Variants in TSPAN9 observed in about 807,000 individuals in gnomAD.
TSPAN9 encodes the protein tetraspanin-9.
TSPAN9 carries 16 observed loss-of-function variants against 31.0 expected under a neutral mutation model. That is an observed-to-expected ratio of 0.52 (90% CI 0.35 to 0.78). The LOEUF is 0.78. Ranked by LOEUF, TSPAN9 falls within the 30% of genes least tolerant of loss-of-function variation. The pLI is 0.01. For missense variants in TSPAN9, 272 were observed against 312.5 expected, an observed-to-expected ratio of 0.87 and a Z score of 0.98; for synonymous variants, 145 against 121.6, an observed-to-expected ratio of 1.19 and a Z score of -1.27.
chr12:3,230,422 C>T (rs2098390066), intron 3 of TSPAN9, among the ~76,000 whole-genome samples: 1 of 152,134 alleles, frequency 6.6e-6, no homozygotes, highest in Non-Finnish European at 1.5e-5. Context: ...TCACCGTCTC[C>T]TTTTTCCCTG....
chr12:3,217,203 C>T (rs145198035), intron 3 of TSPAN9, among the ~76,000 whole-genome samples: 3 of 152,358 alleles, frequency 2.0e-5, no homozygotes, highest in South Asian at 2.1e-4. Context: ...CTGAGCCTTC[C>T]ACCTGCCCCT....
chr12:3,270,275 G>T (rs993875809), intron 3 of TSPAN9, among the ~76,000 whole-genome samples: 3 of 152,190 alleles, frequency 2.0e-5, no homozygotes, highest in Admixed American at 1.3e-4. Context: ...ATAGATGGAG[G>T]TGCGGGAGGT....
intron 2 of TSPAN9, among the ~76,000 whole-genome samples, chr12:3,124,517 C>T (rs1184127568): frequency 2.0e-5 from 3 of 151,648 alleles, no homozygotes; most frequent in African/African-American, 7.3e-5. Context: ...AAGCAATTCT[C>T]CTGCCTCAGC....
At chr12:3,246,444 T>C (rs1177459844) in intron 3 of TSPAN9, among the ~76,000 whole-genome samples, 3 of 152,184 alleles carry the variant, frequency 2.0e-5, no homozygotes, top group African/African-American at 7.2e-5. Flanking sequence ...AGGAGAACTT[T>C]GGCTGCCTTG....
intron 3 of TSPAN9, among the ~76,000 whole-genome samples, chr12:3,261,178 G>A (rs1357369211): frequency 6.6e-6 from 1 of 152,198 alleles, no homozygotes; most frequent in Non-Finnish European, 1.5e-5. Context: ...GGATTAGCAG[G>A]TGGATGAAAT....
intron 3 of TSPAN9, among the ~76,000 whole-genome samples, chr12:3,213,831 C>G (rs2098380022): frequency 6.6e-6 from 1 of 152,190 alleles, no homozygotes; most frequent in Non-Finnish European, 1.5e-5. Flanking sequence ...CTTCTCACAA[C>G]TTGGGGCAGG....
intron 3 of TSPAN9, among the ~76,000 whole-genome samples, chr12:3,257,577 G>A (rs1307283429): frequency 1.3e-5 from 2 of 151,870 alleles, no homozygotes; most frequent in Admixed American, 1.3e-4. Flanking sequence ...GACACTGTGG[G>A]AATAAATTAT....
At chr12:3,229,117 A>G (rs2153975857) in intron 3 of TSPAN9, among the ~76,000 whole-genome samples, 1 of 152,324 alleles carries the variant, frequency 6.6e-6, no homozygotes, top group Admixed American at 6.5e-5. Context: ...CACAGGTTCC[A>G]GGGATTAGGA....
rs759853902 is a variant in TSPAN9, at chr12:3,285,346, A to G, written c.*2230A>G. ...AATATCAACAGCAAAAGCCTAGTGCATTGGGAGATGTGCAACCTCCCTGAA... is the reference window on the plus strand; with the variant it reads ...AATATCAACAGCAAAAGCCTAGTGCGTTGGGAGATGTGCAACCTCCCTGAA... On this transcript the variant is annotated 3_prime_UTR_variant, in exon 9 of 9. Transcript: ENST00000011898. The G allele has an allele frequency of 2.6e-5, 4 of 152,334 alleles. No homozygotes were observed. The highest frequency in any genetic ancestry group is 3.9e-4 in the East Asian group (2 of 5,184). 9.4% of individuals were successfully genotyped at this position (152,334 alleles called of 1,614,324 possible). A position where few individuals can be genotyped will look rare whatever the true frequency, so the allele number is the denominator to read the frequency against.
chr12:3,212,515 A>AGTC (rs1365335134), intron 3 of TSPAN9, among the ~76,000 whole-genome samples: 3 of 81,854 alleles, frequency 3.7e-5, no homozygotes, highest in Admixed American at 1.4e-4. Context: ...GGCCTTAAGC[A>AGTC]ATCCTGCCTT....
At chr12:3,262,202 G>T (rs564340595) in intron 3 of TSPAN9, among the ~76,000 whole-genome samples, 1 of 152,342 alleles carries the variant, frequency 6.6e-6, no homozygotes, top group Admixed American at 6.5e-5. Context: ...TTTTGTGGGT[G>T]CCTGGAGGCA....
intron 3 of TSPAN9, among the ~76,000 whole-genome samples, chr12:3,231,946 C>T (rs1206289487): frequency 6.6e-6 from 1 of 152,236 alleles, no homozygotes; most frequent in Non-Finnish European, 1.5e-5. Context: ...CTCCCCTCTC[C>T]CTGGAAGTAC....
chr12:3,215,495 T>G (rs1252571951), intron 3 of TSPAN9: 1 of 152,272 alleles, frequency 6.6e-6, no homozygotes, highest in Non-Finnish European at 1.5e-5. Context: ...ATCGCCAGCT[T>G]ATTTTTCTTT....
In TSPAN9 at chr12:3,226,783, TATATATATA is replaced by T. The variant is rs1429762113; in HGVS notation, c.63+25528_63+25536del. ...ATATATATATATATATATATATATA[TATATATATA>T]TATTTTTTTTTTTTTTTCCCTCTTC... On this transcript the variant is annotated intron_variant, in intron 3 of 8. Coordinates refer to ENST00000011898, the MANE Select transcript of TSPAN9 (RefSeq NM_006675.5). 3.6e-4 allele frequency among the ~76,000 whole-genome samples: 6 copies of T among 16,890 alleles called. 2 individuals are homozygous for T. The highest frequency in any genetic ancestry group is 1.7e-3 in the African/African-American group (6 of 3,458). 11.1% of individuals were successfully genotyped at this position (16,890 alleles called of 152,430 possible). A position where few individuals can be genotyped will look rare whatever the true frequency, so the allele number is the denominator to read the frequency against.
At chr12:3,227,567 C>T (rs1034520012) in intron 3 of TSPAN9, among the ~76,000 whole-genome samples, 7 of 152,146 alleles carry the variant, frequency 4.6e-5, no homozygotes, top group South Asian at 2.1e-4. Context: ...ACCAGGAAGC[C>T]GCAGGTACCT....
intron 2 of TSPAN9, among the ~76,000 whole-genome samples, chr12:3,105,393 G>C (rs916060102): frequency 4.0e-5 from 6 of 149,800 alleles, no homozygotes; most frequent in African/African-American, 1.5e-4. Flanking sequence ...TATATTTATT[G>C]CTCCCTGAGG....
intron 3 of TSPAN9, among the ~76,000 whole-genome samples, chr12:3,224,694 A>G (rs773271622): frequency 1.1e-4 from 17 of 152,330 alleles, no homozygotes; most frequent in Admixed American, 4.6e-4. Context: ...TCATACCCAG[A>G]TGCACGTACT....
intron 2 of TSPAN9, among the ~76,000 whole-genome samples, chr12:3,095,370 T>C (rs1330355411): frequency 2.0e-5 from 3 of 150,922 alleles, no homozygotes; most frequent in Admixed American, 6.6e-5. Flanking sequence ...TGGCCCGTTC[T>C]CAATGAGCTG....
At chr12:3,145,290 C>T (rs1327973570) in intron 2 of TSPAN9, among the ~76,000 whole-genome samples, 1 of 152,236 alleles carries the variant, frequency 6.6e-6, no homozygotes, top group Admixed American at 6.5e-5. Flanking sequence ...CCGTTGTGTC[C>T]TCCCTGACTG....
Sources: allele counts gnomAD v4.1 joint callset (sites outside exome capture counted in the v4.1 genomes callset), GRCh38; gene constraint gnomAD v4.1.1; transcripts MANE v1.5; gene names NCBI Gene and HGNC (gene_info 2026-07-23, HGNC 2026-07-21).